The following IFI16 variants were observed in gnomAD, a reference collection of about 807,000 sequenced individuals.
IFI16 encodes gamma-interferon-inducible protein 16.
In IFI16, 49 loss-of-function variants were observed where a neutral mutation model predicts 68.4. The observed-to-expected ratio is 0.72, with a 90% confidence interval of 0.57 to 0.91. The LOEUF is 0.91. Among genes scored for constraint, IFI16 ranks in the 40% least tolerant of loss-of-function variants. The pLI is 0.00. For synonymous variants in IFI16, 307 were observed against 315.0 expected (o/e 0.97, Z 0.27); for missense variants, 878 against 942.9 (o/e 0.93, Z 0.90).
In IFI16 at chr1:159,054,850, C is replaced by T. The variant is rs1220690836; in HGVS notation, c.2307C>T (p.Asp769=). 1.9e-6 allele frequency: 3 copies of T among 1,603,942 alleles called. No individual in the cohort carries two copies. The South Asian group carries it at 3.3e-5, about 18-fold the overall frequency. ...KVIKTRKNKK[D]ILNPDSSMET... is the part of the protein sequence containing the mutation. ...TCAAGACCAGGAAAAACAAGAAAGA[C>T]ATACTCAATCCTGATTCAAGTATGG... Residue 769 remains aspartate, a synonymous_variant, in exon 12 of 12, where the codon GAC becomes GAT. Coordinates refer to ENST00000295809, the MANE Select transcript of IFI16 (RefSeq NM_001376587.1).
chr1:159,031,220 A>G (rs772960245), intron 6 of IFI16, among the ~76,000 whole-genome samples: 29 of 152,252 alleles, frequency 1.9e-4, no homozygotes, highest in South Asian at 6.2e-4. Context: ...CCAGGCAGCA[A>G]GTGAGCAGAG....
intron 6 of IFI16, among the ~76,000 whole-genome samples, chr1:159,021,600 T>G (rs1653316371): frequency 6.6e-6 from 1 of 152,210 alleles, no homozygotes; most frequent in Non-Finnish European, 1.5e-5. Flanking sequence ...TGACTTCTTT[T>G]CCTCTGGGTA....
At chr1:159,020,186 C>T (rs1032892620) in intron 5 of IFI16, among the ~76,000 whole-genome samples, 155 bp from the exon 6 acceptor site, 2 of 152,156 alleles carry the variant, frequency 1.3e-5, no homozygotes, top group East Asian at 1.9e-4. Flanking sequence ...TATTGAGGGA[C>T]GGCTTTCTGC....
chr1:159,013,884 T>C (rs768855522), intron 1 of IFI16, among the ~76,000 whole-genome samples: 2 of 152,158 alleles, frequency 1.3e-5, no homozygotes, highest in African/African-American at 4.8e-5. Context: ...CAAGGAATTT[T>C]GGGGAAGAAA....
intron 7 of IFI16, among the ~76,000 whole-genome samples, chr1:159,043,407 T>C (rs931823869): frequency 1.3e-5 from 2 of 152,240 alleles, no homozygotes; most frequent in Non-Finnish European, 2.9e-5. Context: ...TCTACTTGCA[T>C]AGGAATCATT....
rs191441424 is a variant in IFI16 at position 159,049,844 on chromosome 1, C to T, written c.1665+245C>T. Reference sequence around the variant, plus strand: ...TTAATTTTATTTTTCTTTTGGCTTACGTTTTTGTTTTTCCCTCAATACATC... The same window carrying T: ...TTAATTTTATTTTTCTTTTGGCTTATGTTTTTGTTTTTCCCTCAATACATC... On this transcript the variant is annotated intron_variant, in intron 9 of 11. Transcript: ENST00000295809. Among the ~76,000 whole-genome samples, 53 of 151,804 alleles carry T rather than the reference C, an allele frequency of 3.5e-4. 1 individual carries two copies. Among genetic ancestry groups the T allele is most frequent in the African/African-American group, 1.3e-3 (53 of 41,160 alleles).
intron 9 of IFI16, among the ~76,000 whole-genome samples, chr1:159,051,415 A>G (rs1042105981): frequency 2.0e-5 from 3 of 152,092 alleles, no homozygotes; most frequent in Non-Finnish European, 4.4e-5. Flanking sequence ...CCTTTTCTTT[A>G]TGGGTTAATT....
At chr1:159,013,121 C>G (rs1652677947) in intron 1 of IFI16, among the ~76,000 whole-genome samples, 1 of 148,062 alleles carries the variant, frequency 6.8e-6, no homozygotes, top group African/African-American at 2.5e-5. Flanking sequence ...TTCTCTGGAC[C>G]TTTTCAGTCC....
In IFI16 at chr1:159,051,352, T is replaced by G. The variant is rs1005056041; in HGVS notation, c.1666-327T>G. On this transcript the variant is annotated intron_variant, in intron 9 of 11. Coordinates refer to ENST00000295809, the MANE Select transcript of IFI16 (RefSeq NM_001376587.1). ...CTCATCTCTTTTGGGAGTCACTTCA[T>G]GGCAGCTTTGCCTTTACCCTCTGCT... Among the ~76,000 whole-genome samples the G allele has an allele frequency of 4.6e-5, 7 of 152,346 alleles. No individual in the cohort carries two copies. In the South Asian group the frequency reaches 1.4e-3, roughly 32 times the overall value.
chr1:159,022,128 T>A (rs1479617066), intron 6 of IFI16, among the ~76,000 whole-genome samples: 2 of 151,898 alleles, frequency 1.3e-5, no homozygotes, highest in African/African-American at 4.8e-5. Flanking sequence ...CGCCCCCGGC[T>A]AAATTTTTTG....
intron 7 of IFI16, among the ~76,000 whole-genome samples, chr1:159,036,943 T>A (rs1395021930): frequency 6.6e-6 from 1 of 152,222 alleles, no homozygotes; most frequent in South Asian, 2.1e-4. Context: ...GTTGTTATTG[T>A]CCTGTTTGAC....
At chr1:159,012,188 C>T (rs1652611167) in intron 1 of IFI16, among the ~76,000 whole-genome samples, 1 of 151,904 alleles carries the variant, frequency 6.6e-6, no homozygotes, top group Non-Finnish European at 1.5e-5. Flanking sequence ...AGACTGAGGC[C>T]CTGAGTATCA....
Position 159,053,530 on chromosome 1 carries a change from C to T in IFI16, c.2086-3C>T, listed in dbSNP as rs1389043146. ...GAAGATAAGTGTTAATTTTCTTTTGCAGAAAAATGTAAGGGGTGAATTCAC... is the reference window on the plus strand; with the variant it reads ...GAAGATAAGTGTTAATTTTCTTTTGTAGAAAAATGTAAGGGGTGAATTCAC... On this transcript the variant is annotated splice_region_variant and splice_polypyrimidine_tract_variant and intron_variant, in intron 10 of 11. Transcript: ENST00000295809. 4 of 1,574,952 alleles carry T rather than the reference C, an allele frequency of 2.5e-6. No individual in the cohort carries two copies. Among genetic ancestry groups the T allele is most frequent in the Admixed American group, 3.4e-5 (2 of 57,986 alleles).
chr1:159,016,760 T>G lies in IFI16; in HGVS notation c.549+60T>G, dbSNP rs1052413815. The G allele has an allele frequency of 4.2e-6, 6 of 1,441,942 alleles. No homozygotes were observed. In the East Asian group the frequency reaches 1.2e-4, roughly 28 times the overall value. 89.3% of individuals were successfully genotyped at this position (1,441,942 alleles called of 1,614,324 possible). ...TTTCAACCCAAAGTAAAGGACTGAT[T>G]TCACCGGTTACTTAAAAATTGCATC... On this transcript the variant is annotated intron_variant, in intron 4 of 11. Coordinates refer to ENST00000295809, the MANE Select transcript of IFI16 (RefSeq NM_001376587.1).
chr1:159,005,187 T>C (rs1652209673), upstream of IFI16, among the ~76,000 whole-genome samples: 1 of 152,196 alleles, frequency 6.6e-6, no homozygotes, highest in South Asian at 2.1e-4. Flanking sequence ...GACTTCCACC[T>C]CAAGTACTGT....
chr1:159,051,497 C>A (rs182554234), intron 9 of IFI16, among the ~76,000 whole-genome samples, 182 bp from the exon 10 acceptor site: 1 of 152,280 alleles, frequency 6.6e-6, no homozygotes, highest in Admixed American at 6.5e-5. Context: ...CTCCTTACAT[C>A]TTTTTCATTT....
upstream of IFI16, among the ~76,000 whole-genome samples, chr1:159,001,982 G>C (rs980428503): frequency 6.6e-6 from 1 of 152,168 alleles, no homozygotes; most frequent in Non-Finnish European, 1.5e-5. Context: ...AACTTACTGT[G>C]TACAAAGTGC....
upstream of IFI16, among the ~76,000 whole-genome samples, chr1:159,004,550 C>T (rs1056615031): frequency 6.6e-6 from 1 of 152,042 alleles, no homozygotes; most frequent in Non-Finnish European, 1.5e-5. Flanking sequence ...ACTGAAAATA[C>T]AGAAATTAGC....
chr1:159,020,609 G>T lies in IFI16; in HGVS notation c.1161+80G>T, dbSNP rs1653250336. The T allele has an allele frequency of 5.7e-6, 6 of 1,052,822 alleles. No individual in the cohort carries two copies. The Admixed American group carries it at 9.2e-5, about 16-fold the overall frequency. 65.2% of individuals were successfully genotyped at this position (1,052,822 alleles called of 1,614,324 possible). ...AGTTTTGGCAAAAACAAGTTTGTAG[G>T]TTTTTTTTACAGAGTTCAGCGGGAG... On this transcript the variant is annotated intron_variant, in intron 6 of 11. Transcript: ENST00000295809.
Sources: allele counts gnomAD v4.1 joint callset (sites outside exome capture counted in the v4.1 genomes callset), GRCh38; gene constraint gnomAD v4.1.1; transcripts MANE v1.5; gene names NCBI Gene and HGNC (gene_info 2026-07-23, HGNC 2026-07-21).